Variants in OPA1 observed in about 807,000 individuals in gnomAD.
OPA1 encodes the protein OPA1 mitochondrial dynamin like GTPase, also known as dynamin-like GTPase OPA1, mitochondrial.
A neutral mutation model predicts 152.9 loss-of-function variants in OPA1; 59 were observed. That is an observed-to-expected ratio of 0.39 (90% CI 0.31 to 0.48). The LOEUF is 0.48. Ranked by LOEUF, OPA1 falls within the 20% of genes least tolerant of loss-of-function variation. The probability of loss-of-function intolerance (pLI) is 0.96; values close to 1 mark genes in which losing one functional copy is unlikely to be tolerated. For missense variants in OPA1, 1,008 were observed against 1,216.8 expected (o/e 0.83, Z 2.55); for synonymous variants, 400 against 389.9 (o/e 1.03, Z -0.31).
At chr3:193,630,853 GT>G (rs747501161) in intron 7 of OPA1, among the ~76,000 whole-genome samples, 38 of 152,122 alleles carry the variant, frequency 2.5e-4, no homozygotes, top group African/African-American at 8.9e-4. Context: ...AAATAAAATT[GT>G]TTTTTAATAT....
chr3:193,598,658 G>T (rs1401820518), intron 1 of OPA1, among the ~76,000 whole-genome samples: 1 of 152,126 alleles, frequency 6.6e-6, no homozygotes, highest in African/African-American at 2.4e-5. Flanking sequence ...ATCTAAGGTG[G>T]TAAGTGGGTG....
Position 193,615,075 on chromosome 3 carries a change from T to C in OPA1, c.351+34T>C, listed in dbSNP as rs1317091142. 8 of 1,493,740 alleles carry C rather than the reference T, an allele frequency of 5.4e-6. No homozygotes were observed. In the East Asian group the frequency reaches 1.6e-4, roughly 30 times the overall value. 92.5% of individuals were successfully genotyped at this position (1,493,740 alleles called of 1,614,324 possible). On this transcript the variant is annotated intron_variant, in intron 2 of 30. Transcript: ENST00000361510. ...GACATTCCTCCTGGTTTTCCAATTA[T>C]TATATCATGATTAAGTTTCTATAGC... is the stretch of plus-strand genomic sequence containing the variant.
At chr3:193,624,571 T>G (rs1230516949) in intron 6 of OPA1, among the ~76,000 whole-genome samples, 3 of 152,158 alleles carry the variant, frequency 2.0e-5, no homozygotes, top group Admixed American at 6.5e-5. Flanking sequence ...ATGATGAGGA[T>G]AGTAGTTAGC....
At chr3:193,655,165 C>G (rs1311152200) in intron 22 of OPA1, 138 bp downstream of exon 22, 7 of 803,904 alleles carry the variant, frequency 8.7e-6, no homozygotes, top group African/African-American at 8.7e-5. Flanking sequence ...TATTCCTCAT[C>G]TCTGTTTTGG....
chr3:193,677,050 C>G (rs1577371643), intron 29 of OPA1, among the ~76,000 whole-genome samples: 1 of 137,202 alleles, frequency 7.3e-6, no homozygotes, highest in South Asian at 2.4e-4. Flanking sequence ...CGTAAAAGAA[C>G]ATTTTCTTTT....
intron 29 of OPA1, among the ~76,000 whole-genome samples, chr3:193,675,988 C>T (rs1718912334): frequency 6.6e-6 from 1 of 152,236 alleles, no homozygotes; most frequent in Non-Finnish European, 1.5e-5. Flanking sequence ...AGCAGCTTGC[C>T]TGTGTGGCAT....
chr3:193,666,892 A>G (rs1716681003), intron 28 of OPA1, among the ~76,000 whole-genome samples: 1 of 151,938 alleles, frequency 6.6e-6, no homozygotes. Flanking sequence ...ATTGCATGAA[A>G]CTCTGTTGGG....
In OPA1 at chr3:193,655,006, A is replaced by G. The variant is rs2109139542; in HGVS notation, c.2157A>G (p.Gln719=). The change falls in exon 22 of 31, where the codon CAA becomes CAG. Residue 719 remains glutamine (Q), a synonymous_variant. Coordinates refer to ENST00000361510, the MANE Select transcript of OPA1 (RefSeq NM_130837.3). The stretch of plus-strand genomic sequence containing the variant: ...AGCTTAAACAGTGGACTGATAAACA[A>G]CTTCCTAATAAAGCAGTAGAGGTTA... ...DIKLKQWTDK[Q]LPNKAVEVAW... is the part of the protein sequence containing the mutation. The G allele has an allele frequency of 6.2e-7, 1 of 1,613,886 alleles. No individual in the cohort carries two copies. The highest frequency in any genetic ancestry group is 8.5e-7 in the Non-Finnish European group (1 of 1,179,896).
chr3:193,676,196 A>T (rs899339931), intron 29 of OPA1, among the ~76,000 whole-genome samples: 1 of 152,182 alleles, frequency 6.6e-6, no homozygotes, highest in African/African-American at 2.4e-5. Context: ...TGGAATGATT[A>T]TATGATGTAG....
rs35540805 is a variant in OPA1 at position 193,667,258 on chromosome 3, C to A, written c.2961C>A (p.Arg987=). Residue 987 remains arginine, a synonymous_variant, in exon 29 of 31, where the codon CGC becomes CGA. Transcript: ENST00000361510. ...EKKIKLLTGK[R]VQLAEDLKKV... is the part of the protein sequence containing the mutation. ...AGATTAAATTGCTTACTGGTAAACGCGTTCAACTGGCGGAAGACCTCAGTG... is the reference window on the plus strand; with the variant it reads ...AGATTAAATTGCTTACTGGTAAACGAGTTCAACTGGCGGAAGACCTCAGTG... 6.3e-7 allele frequency: 1 copy of A among 1,586,414 alleles called. No homozygotes were observed. Among genetic ancestry groups the A allele is most frequent in the Non-Finnish European group, 8.7e-7 (1 of 1,154,850 alleles).
Position 193,630,762 on chromosome 3 carries a change from T to C in OPA1, c.790-850T>C, listed in dbSNP as rs149774990. Among the ~76,000 whole-genome samples, 1,169 of 152,308 alleles carry C rather than the reference T, an allele frequency of 7.7e-3. 14 individuals are homozygous for C. The highest frequency in any genetic ancestry group is 0.027 in the African/African-American group (1,128 of 41,582). Reference sequence around the variant, plus strand: ...TTACCAAGAAGTCAAAGCACAGTTATGTGAATTCATCATAAATCACATCAT... The same window carrying C: ...TTACCAAGAAGTCAAAGCACAGTTACGTGAATTCATCATAAATCACATCAT... On this transcript the variant is annotated intron_variant, in intron 7 of 30. Transcript: ENST00000361510.
At chr3:193,647,272 T>G (rs1734809395) in intron 19 of OPA1, 92 bp downstream of exon 19, 1 of 785,850 alleles carries the variant, frequency 1.3e-6, no homozygotes, top group Non-Finnish European at 2.2e-6. Context: ...TTCTTTCCTT[T>G]AACAGTTGCT....
intron 1 of OPA1, among the ~76,000 whole-genome samples, chr3:193,600,744 G>T (rs1726334621): frequency 6.6e-6 from 1 of 152,190 alleles, no homozygotes; most frequent in African/African-American, 2.4e-5. Context: ...TTGAAAACCT[G>T]CTAGAAGAGA....
chr3:193,630,445 C>T (rs371428), intron 7 of OPA1, among the ~76,000 whole-genome samples: 100,547 of 152,060 alleles, frequency 0.66, 33,688 homozygotes, highest in African/African-American at 0.74. Flanking sequence ...ATAGTTATGA[C>T]AAAGTATTTA....
At chr3:193,649,009 G>A in intron 21 of OPA1, 138 bp downstream of exon 21, 1 of 615,972 alleles carries the variant, frequency 1.6e-6, no homozygotes. Flanking sequence ...ATATTTTTTT[G>A]GCAATATCTA....
chr3:193,595,914 A>G (rs1725408716), intron 1 of OPA1, among the ~76,000 whole-genome samples: 1 of 152,306 alleles, frequency 6.6e-6, no homozygotes, highest in East Asian at 1.9e-4. Context: ...GTCTGTTAAA[A>G]GGAAAAGCAT....
At chr3:193,650,244 G>A (rs1210223105) in intron 21 of OPA1, among the ~76,000 whole-genome samples, 1 of 152,146 alleles carries the variant, frequency 6.6e-6, no homozygotes, top group Admixed American at 6.5e-5. Flanking sequence ...ATTGCCCATT[G>A]AAAAGGCAAC....
chr3:193,625,811 T>A (rs1022814569), intron 6 of OPA1, among the ~76,000 whole-genome samples: 3 of 152,128 alleles, frequency 2.0e-5, no homozygotes, highest in Non-Finnish European at 4.4e-5. Flanking sequence ...TTTCTCCATA[T>A]TTTTTATATA....
intron 29 of OPA1, among the ~76,000 whole-genome samples, chr3:193,686,613 T>A (rs994400408): frequency 9.2e-5 from 14 of 152,146 alleles, no homozygotes. Context: ...TTTTTTCCTT[T>A]TTTTGTTTCC....
Sources: allele counts gnomAD v4.1 joint callset (sites outside exome capture counted in the v4.1 genomes callset), GRCh38; gene constraint gnomAD v4.1.1; transcripts MANE v1.5; gene names NCBI Gene and HGNC (gene_info 2026-07-23, HGNC 2026-07-21).